The following NDE1 variants were observed in gnomAD, a reference collection of about 807,000 sequenced individuals.
NDE1 encodes the protein nudE neurodevelopment protein 1, also known as nuclear distribution protein nudE homolog 1.
In NDE1, 28 loss-of-function variants were observed where a neutral mutation model predicts 43.4. That is an observed-to-expected ratio of 0.65 (90% CI 0.48 to 0.89). The LOEUF (loss-of-function observed/expected upper bound fraction) is 0.89, where lower values mean the gene tolerates loss of function less well. Among genes scored for constraint, NDE1 ranks in the 40% least tolerant of loss-of-function variants. The probability of loss-of-function intolerance (pLI) is 0.00; values close to 1 mark genes in which losing one functional copy is unlikely to be tolerated. For synonymous variants in NDE1, 184 were observed against 172.0 expected, an observed-to-expected ratio of 1.07 and a Z score of -0.55; for missense variants, 441 against 434.1, an observed-to-expected ratio of 1.02 and a Z score of -0.14.
At chr16:15,714,361 T>G (rs372432607) in intron 8 of NDE1, 1 of 168,414 alleles carries the variant, frequency 5.9e-6, no homozygotes, top group Admixed American at 5.6e-5. Flanking sequence ...CATTGCAGGG[T>G]GGTGGGGGAC....
chr16:15,704,243 G>T, intron 8 of NDE1: 1 of 1,159,788 alleles, frequency 8.6e-7, no homozygotes, highest in Non-Finnish European at 1.2e-6. Context: ...TTTTTTTTAT[G>T]GCAGAAAACA....
chr16:15,689,803 G>A, intron 5 of NDE1, among the ~76,000 whole-genome samples: 1 of 151,910 alleles, frequency 6.6e-6, no homozygotes, highest in Admixed American at 6.6e-5. Flanking sequence ...AGCCAGGTGT[G>A]GTGGTGCGTG....
rs779452783 is a variant in NDE1, at chr16:15,717,288, C to T, written c.948-6903C>T. On this transcript the variant is annotated intron_variant, in intron 8 of 8. Transcript: ENST00000396354. ...TTCTGCCGCTCGAGCTGCTGCCGGG[C>T]ACTCTCATTCTTCTGGGCCGTGCTG... The T allele has an allele frequency of 2.5e-6, 4 of 1,613,462 alleles. No homozygotes were observed. The East Asian group carries it at 8.9e-5, about 36-fold the overall frequency.
chr16:15,692,366 G>C (rs752148628), intron 6 of NDE1, among the ~76,000 whole-genome samples: 37 of 152,182 alleles, frequency 2.4e-4, no homozygotes, highest in Non-Finnish European at 4.9e-4. Context: ...TGTCCCCTGG[G>C]CATGAAGAGA....
intron 6 of NDE1, among the ~76,000 whole-genome samples, chr16:15,691,765 G>A (rs181120184): frequency 2.0e-5 from 3 of 150,918 alleles, no homozygotes; most frequent in African/African-American, 7.3e-5. Flanking sequence ...CTCATCCTCC[G>A]GAGTAGCTGG....
intron 3 of NDE1, among the ~76,000 whole-genome samples, chr16:15,671,032 G>GA (rs2037567533): frequency 1.3e-5 from 2 of 152,108 alleles, no homozygotes; most frequent in African/African-American, 2.4e-5. Flanking sequence ...CGCCTTCAGG[G>GA]GTTTTTGTTC....
intron 1 of NDE1, chr16:15,643,942 CTT>C (rs2036224289): frequency 6.6e-6 from 1 of 152,284 alleles, no homozygotes; most frequent in South Asian, 2.0e-4. Context: ...GTTTCAAACA[CTT>C]TGTGTTTTAG....
intron 1 of NDE1, among the ~76,000 whole-genome samples, chr16:15,655,435 G>A (rs1036594950): frequency 1.3e-5 from 2 of 152,166 alleles, no homozygotes; most frequent in South Asian, 2.1e-4. Flanking sequence ...GTGAGCCATC[G>A]TGCCCGGCCT....
rs1370164222 is a variant in NDE1, at chr16:15,706,601, G to C, written c.947+9741G>C. On this transcript the variant is annotated intron_variant, in intron 8 of 8. Transcript: ENST00000396354. ...AGGCGCCTGGAATCCCAGTCACTCA[G>C]GAGGCTGAGGCAGGAGAATTGCTTG... Among the ~76,000 whole-genome samples the C allele has an allele frequency of 2.6e-5, 4 of 152,254 alleles. No homozygotes were observed. In the South Asian group the frequency reaches 8.3e-4, roughly 32 times the overall value.
At chr16:15,683,768 T>TC (rs1422878770) in intron 4 of NDE1, among the ~76,000 whole-genome samples, 1 of 152,198 alleles carries the variant, frequency 6.6e-6, no homozygotes, top group Non-Finnish European at 1.5e-5. Flanking sequence ...CTGTAATCTG[T>TC]CATCTTAGTA....
Position 15,724,606 on chromosome 16 carries a change from TGA to T in NDE1, c.*359_*360del, listed in dbSNP as rs1360236324. 1 of 1,612,656 alleles carries T rather than the reference TGA, an allele frequency of 6.2e-7. No homozygotes were observed. The highest frequency in any genetic ancestry group is 1.3e-5 in the African/African-American group (1 of 74,828). Reference sequence around the variant, plus strand: ...GCGGGGGATCTCAGCGCAGAGAAGTTGAGAGGACCCATGAAGGAAGCAAGGAC... The same window carrying T: ...GCGGGGGATCTCAGCGCAGAGAAGTTGAGGACCCATGAAGGAAGCAAGGAC... On this transcript the variant is annotated 3_prime_UTR_variant, in exon 9 of 9. Coordinates refer to ENST00000396354, the MANE Select transcript of NDE1 (RefSeq NM_017668.3).
intron 8 of NDE1, chr16:15,718,440 T>TTCCCGACAGGCTACTGGCCA: frequency 6.4e-7 from 1 of 1,559,774 alleles, no homozygotes; most frequent in Non-Finnish European, 8.7e-7. Flanking sequence ...AGTGCGTTCC[T>TTCCCGACAGGCTACTGGCCA]GGGGGAAGGG....
At chr16:15,706,382 C>T (rs2039456737) in intron 8 of NDE1, among the ~76,000 whole-genome samples, 2 of 152,086 alleles carry the variant, frequency 1.3e-5, no homozygotes, top group Non-Finnish European at 2.9e-5. Context: ...ACACAGCTCT[C>T]TTCGTCACAG....
chr16:15,676,243 GAGACAGAGTCTCGCTGTT>G (rs2037872475), intron 3 of NDE1, among the ~76,000 whole-genome samples: 1 of 20,690 alleles, frequency 4.8e-5, no homozygotes, highest in Non-Finnish European at 1.0e-4. Context: ...TTTTTTTTTT[GAGACAGAGTCTCGCTGTT>G]ATTGCCCAGG....
intron 7 of NDE1, chr16:15,694,471 G>C: frequency 7.6e-7 from 1 of 1,319,160 alleles, no homozygotes; most frequent in Non-Finnish European, 1.0e-6. Flanking sequence ...TTAGCTTCCC[G>C]AGGAGCTTGG....
chr16:15,652,716 C>T (rs547208350), intron 1 of NDE1, among the ~76,000 whole-genome samples: 146 of 152,248 alleles, frequency 9.6e-4, no homozygotes, highest in African/African-American at 3.4e-3. Flanking sequence ...CAAGCTGGAA[C>T]ACAGTGATGC....
chr16:15,706,079 A>C (rs1305024927), intron 8 of NDE1, among the ~76,000 whole-genome samples: 1 of 151,244 alleles, frequency 6.6e-6, no homozygotes, highest in Non-Finnish European at 1.5e-5. Context: ...AGGATGGGAG[A>C]GACCCCGGCT....
Position 15,650,253 on chromosome 16 carries a change from C to G in NDE1, c.-85C>G, listed in dbSNP as rs998010011. ...GGGCCGCACCGCCCTTCGCAGCCGCCTCTGCCGCCGCCGCCGCGTTGGCCT... is the reference window on the plus strand; with the variant it reads ...GGGCCGCACCGCCCTTCGCAGCCGCGTCTGCCGCCGCCGCCGCGTTGGCCT... On this transcript the variant is annotated 5_prime_UTR_variant, in exon 1 of 9. Transcript: ENST00000396354. The G allele has an allele frequency of 3.3e-6, 1 of 302,908 alleles. No homozygotes were observed. Among genetic ancestry groups the G allele is most frequent in the Non-Finnish European group, 6.8e-6 (1 of 147,384 alleles). The allele number at this position is 302,908 out of a possible 1,614,324, so 18.8% of individuals were successfully genotyped here.
At chr16:15,720,827 G>C (rs200815887) in intron 8 of NDE1, 21 of 1,612,686 alleles carry the variant, frequency 1.3e-5, no homozygotes, top group Non-Finnish European at 1.8e-5. Flanking sequence ...TGGCCTCCCC[G>C]GCAGCACGCA....
Sources: gnomAD v4.1 joint callset for allele counts (sites outside exome capture counted in the v4.1 genomes callset) on GRCh38, gnomAD v4.1.1 for gene constraint, MANE v1.5 for transcripts, NCBI Gene and HGNC (gene_info 2026-07-23, HGNC 2026-07-21) for gene names.